Variants in CCN4 observed in about 807,000 individuals in gnomAD.
CCN4 encodes the protein CCN family member 4.
CCN4 carries 30 observed loss-of-function variants against 36.7 expected under a neutral mutation model. The ratio of observed to expected loss-of-function variants is 0.82; its 90% CI spans 0.61 to 1.11. CCN4 has a LOEUF of 1.11. CCN4 is among the 50% of genes least tolerant of loss of function. CCN4 has a pLI of 0.00. For missense variants in CCN4, 505 were observed against 504.9 expected, an observed-to-expected ratio of 1.00 and a Z score of 0.00; for synonymous variants, 191 against 195.4, an observed-to-expected ratio of 0.98 and a Z score of 0.19.
At chr8:133,199,857 G>A (rs140869673) in intron 1 of CCN4, among the ~76,000 whole-genome samples, 37 of 152,234 alleles carry the variant, frequency 2.4e-4, no homozygotes, top group Non-Finnish European at 4.3e-4. Flanking sequence ...CAAGGCCCAC[G>A]GCGAGCCCCT....
chr8:133,207,444 G>T (rs1277901177), intron 1 of CCN4, among the ~76,000 whole-genome samples: 3 of 152,218 alleles, frequency 2.0e-5, no homozygotes, highest in African/African-American at 7.2e-5. Context: ...TTTTGCTCAA[G>T]ATCTGATGGG....
chr8:133,210,106 C>T (rs986456975), intron 1 of CCN4, among the ~76,000 whole-genome samples: 1 of 152,188 alleles, frequency 6.6e-6, no homozygotes, highest in Non-Finnish European at 1.5e-5. Context: ...TCCATTTCAC[C>T]AGTCAACACA....
chr8:133,226,574 G>A (rs1854744419), intron 4 of CCN4, among the ~76,000 whole-genome samples: 1 of 152,146 alleles, frequency 6.6e-6, no homozygotes, highest in Non-Finnish European at 1.5e-5. Context: ...AACTGAAAAC[G>A]TACATGGAAA....
At chr8:133,217,936 CCA>C (rs58105917) in intron 2 of CCN4, among the ~76,000 whole-genome samples, 25 of 144,320 alleles carry the variant, frequency 1.7e-4, no homozygotes, top group Admixed American at 4.8e-4. Context: ...ACTCCCTTCT[CCA>C]CACACACACA....
Position 133,212,950 on chromosome 8 carries a change from A to G in CCN4, c.156A>G (p.Pro52=), listed in dbSNP as rs1292440038. Residue 52 remains proline (P), a synonymous_variant, in exon 2 of 5, where the codon CCA becomes CCG. Transcript: ENST00000250160. ...TSSRPQFCKW[P]CECPPSPPRC... ...CACGCCCCCAATTCTGCAAGTGGCC[A>G]TGTGAGTGCCCGCCATCCCCACCCC... The G allele has an allele frequency of 1.2e-6, 2 of 1,613,424 alleles. No individual in the cohort carries two copies. The highest frequency in any genetic ancestry group is 2.2e-5 in the South Asian group (2 of 91,050).
chr8:133,205,540 G>A (rs567568285), intron 1 of CCN4, among the ~76,000 whole-genome samples: 1 of 152,280 alleles, frequency 6.6e-6, no homozygotes, highest in East Asian at 1.9e-4. Context: ...ACAGGCCCAG[G>A]CACCCCAGCT....
intron 1 of CCN4, among the ~76,000 whole-genome samples, chr8:133,203,900 G>C (rs927399483): frequency 1.3e-5 from 2 of 152,164 alleles, no homozygotes; most frequent in Non-Finnish European, 2.9e-5. Flanking sequence ...ATATGCAAAC[G>C]TCAAATTATA....
In CCN4 at chr8:133,191,269, C is replaced by A. The variant is rs1427647519; in HGVS notation, c.69+56C>A. On this transcript the variant is annotated intron_variant, in intron 1 of 4. Coordinates refer to ENST00000250160, the MANE Select transcript of CCN4 (RefSeq NM_003882.4). ...GACCCAGCTCCCTTCTCTACTGGGT[C>A]CTGCTACATGGGGGCTGGTGGGCAG... 5 of 1,553,708 alleles carry A rather than the reference C, an allele frequency of 3.2e-6. No individual in the cohort carries two copies. The African/African-American group carries it at 5.4e-5, about 17-fold the overall frequency.
chr8:133,191,446 C>T (rs1355599875), intron 1 of CCN4, among the ~76,000 whole-genome samples: 2 of 152,176 alleles, frequency 1.3e-5, no homozygotes, highest in East Asian at 3.9e-4. Flanking sequence ...TGCACAGGTC[C>T]AGCCTGCCCT....
chr8:133,213,603 C>A (rs1854148129), intron 2 of CCN4, among the ~76,000 whole-genome samples: 1 of 151,474 alleles, frequency 6.6e-6, no homozygotes, highest in African/African-American at 2.4e-5. Flanking sequence ...GCAGTCATCC[C>A]TTCCCACCAG....
chr8:133,218,943 C>A (rs979866713), intron 2 of CCN4, among the ~76,000 whole-genome samples: 34 of 152,190 alleles, frequency 2.2e-4, no homozygotes, highest in Admixed American at 6.5e-4. Flanking sequence ...GACTCCTCTC[C>A]TTTCCCCCGC....
At chr8:133,214,302 T>G (rs1488870758) in intron 2 of CCN4, among the ~76,000 whole-genome samples, 1 of 151,128 alleles carries the variant, frequency 6.6e-6, no homozygotes, top group Non-Finnish European at 1.5e-5. Context: ...ACCCCTACCT[T>G]CCAAATGACA....
Position 133,200,363 on chromosome 8 carries a change from C to T in CCN4, c.69+9150C>T, listed in dbSNP as rs571573484. On this transcript the variant is annotated intron_variant, in intron 1 of 4. Coordinates refer to ENST00000250160, the MANE Select transcript of CCN4 (RefSeq NM_003882.4). The stretch of plus-strand genomic sequence containing the variant: ...GGAGACTGGAAGACGATCCCCACTA[C>T]CCCATCGGGTAGATGCCCACTCTGC... Among the ~76,000 whole-genome samples, 19 of 152,340 alleles carry T rather than the reference C, an allele frequency of 1.2e-4. No homozygotes were observed. In the South Asian group the frequency reaches 3.9e-3, roughly 32 times the overall value.
chr8:133,220,457 C>T, intron 2 of CCN4, 124 bp from the exon 3 acceptor site: 2 of 1,402,672 alleles, frequency 1.4e-6, no homozygotes, highest in Non-Finnish European at 1.9e-6. Context: ...TGCCTCTGTT[C>T]CTCCTCCATG....
Position 133,213,022 on chromosome 8 carries a change from T to C in CCN4, c.228T>C (p.Cys76=), listed in dbSNP as rs1421705238. 3 of 1,614,170 alleles carry C rather than the reference T, an allele frequency of 1.9e-6. No homozygotes were observed. The highest frequency in any genetic ancestry group is 2.5e-6 in the Non-Finnish European group (3 of 1,180,004). ...VSLITDGCEC[C]KMCAQQLGDN... Reference sequence around the variant, plus strand: ...TCATCACAGATGGCTGTGAGTGCTGTAAGATGTGCGCTCAGCAGCTTGGGG... The same window carrying C: ...TCATCACAGATGGCTGTGAGTGCTGCAAGATGTGCGCTCAGCAGCTTGGGG... Residue 76 remains cysteine (C), a synonymous_variant, in exon 2 of 5, where the codon TGT becomes TGC. Transcript: ENST00000250160.
intron 2 of CCN4, among the ~76,000 whole-genome samples, chr8:133,213,704 TA>T (rs1397052349): frequency 2.0e-5 from 3 of 147,724 alleles, no homozygotes; most frequent in African/African-American, 4.9e-5. Flanking sequence ...ATATACTATA[TA>T]TTCTATATAG....
rs1854832216 is a variant in CCN4, at chr8:133,228,502, C to G, written c.*792C>G. 2 of 152,272 alleles carry G rather than the reference C, an allele frequency of 1.3e-5. No individual in the cohort carries two copies. The highest frequency in any genetic ancestry group is 4.1e-4 in the South Asian group (2 of 4,832). 9.4% of individuals were successfully genotyped at this position (152,272 alleles called of 1,614,324 possible). A position where few individuals can be genotyped will look rare whatever the true frequency, so the allele number is the denominator to read the frequency against. ...TCACACTGAATCAGCTGCTGACTGG[C>G]AGGGCTTTGGGCAGTTGGCCAGGCT... On this transcript the variant is annotated 3_prime_UTR_variant, in exon 5 of 5. Coordinates refer to ENST00000250160, the MANE Select transcript of CCN4 (RefSeq NM_003882.4).
In CCN4 at chr8:133,199,194, C is replaced by T. The variant is rs557959937; in HGVS notation, c.69+7981C>T. 8.9e-4 allele frequency among the ~76,000 whole-genome samples: 135 copies of T among 152,318 alleles called. 1 individual carries two copies. Among genetic ancestry groups the T allele is most frequent in the Non-Finnish European group, 8.8e-5 (6 of 68,030 alleles). Reference sequence around the variant, plus strand: ...GCTTGGTTCTGGAGCAAGGACAGAACGAGGAGTCAGGAGACTGGGGTCTCT... The same window carrying T: ...GCTTGGTTCTGGAGCAAGGACAGAATGAGGAGTCAGGAGACTGGGGTCTCT... On this transcript the variant is annotated intron_variant, in intron 1 of 4. Coordinates refer to ENST00000250160, the MANE Select transcript of CCN4 (RefSeq NM_003882.4).
At chr8:133,220,874 A>G in intron 3 of CCN4, 33 bp downstream of exon 3, 1 of 1,575,418 alleles carries the variant, frequency 6.3e-7, no homozygotes, top group South Asian at 1.1e-5. Context: ...TGGGGGTGGG[A>G]CCCTACAAAT....
Sources: allele counts gnomAD v4.1 joint callset (sites outside exome capture counted in the v4.1 genomes callset), GRCh38; gene constraint gnomAD v4.1.1; transcripts MANE v1.5; gene names NCBI Gene and HGNC (gene_info 2026-07-23, HGNC 2026-07-21).